The following ZNF566 variants were observed in gnomAD, a reference collection of about 807,000 sequenced individuals.
The protein encoded by ZNF566 is zinc finger protein 566.
Under a neutral mutation model 32.8 loss-of-function variants are expected in ZNF566, and 27 were observed. The ratio of observed to expected loss-of-function variants is 0.82; its 90% CI spans 0.61 to 1.14. The LOEUF (loss-of-function observed/expected upper bound fraction) is 1.14. ZNF566 is among the 50% of genes most tolerant of loss of function. ZNF566 has a pLI of 0.00. For synonymous variants in ZNF566, 154 were observed against 159.5 expected (o/e 0.97, Z 0.26); for missense variants, 402 against 490.4 (o/e 0.82, Z 1.70).
chr19:36,463,767 C>T (rs1342819703), intron 4 of ZNF566, among the ~76,000 whole-genome samples: 1 of 151,290 alleles, frequency 6.6e-6, no homozygotes, highest in East Asian at 1.9e-4. Flanking sequence ...ACTCCATCAC[C>T]CAGGCTGGAG....
chr19:36,470,694 T>C (rs1001168330), intron 4 of ZNF566, among the ~76,000 whole-genome samples: 2 of 151,674 alleles, frequency 1.3e-5, no homozygotes, highest in Non-Finnish European at 2.9e-5. Flanking sequence ...GAGGATCACC[T>C]GAGGTCAGGA....
intron 1 of ZNF566, among the ~76,000 whole-genome samples, chr19:36,488,224 T>C (rs4514798): frequency 0.18 from 27,895 of 152,000 alleles, 2,778 homozygotes; most frequent in Non-Finnish European, 0.23. Flanking sequence ...CTAGGACTTA[T>C]AGGTGCCAGC....
intron 4 of ZNF566, among the ~76,000 whole-genome samples, chr19:36,462,990 A>AAAC (rs2033514622): frequency 2.2e-5 from 3 of 137,034 alleles, no homozygotes; most frequent in Non-Finnish European, 3.1e-5. Context: ...AAAAAAAAAA[A>AAAC]TCCCATTTCC....
intron 4 of ZNF566, among the ~76,000 whole-genome samples, chr19:36,470,164 A>T (rs750482953): frequency 6.6e-6 from 1 of 152,126 alleles, no homozygotes; most frequent in Non-Finnish European, 1.5e-5. Context: ...ATCCAGTCAC[A>T]AGACTCTATA....
chr19:36,476,572 T>C lies in ZNF566; in HGVS notation c.-15A>G. On this transcript the variant is annotated 5_prime_UTR_variant, in exon 2 of 5. Transcript: ENST00000452939. ...ACCTGAGCCATGGCTCTGATATTTG[T>C]AGAAAAGGACCTTCTCTTGGCTCTT... is the stretch of plus-strand genomic sequence containing the variant. 4 of 1,613,612 alleles carry C rather than the reference T, an allele frequency of 2.5e-6. No homozygotes were observed. Among genetic ancestry groups the C allele is most frequent in the Non-Finnish European group, 3.4e-6 (4 of 1,179,802 alleles).
chr19:36,482,678 A>T (rs1025579569), intron 1 of ZNF566, among the ~76,000 whole-genome samples: 1 of 152,196 alleles, frequency 6.6e-6, no homozygotes, highest in African/African-American at 2.4e-5. Flanking sequence ...ACTCTGAACT[A>T]ATTTGCATGT....
In ZNF566 at chr19:36,481,866, T is replaced by C. The variant is rs1009924101; in HGVS notation, c.-59-5250A>G. Among the ~76,000 whole-genome samples the C allele has an allele frequency of 2.0e-5, 3 of 152,312 alleles. No individual in the cohort carries two copies. The South Asian group carries it at 6.2e-4, about 32-fold the overall frequency. ...ACTATGATAAATCCACAGGCTGCAGTATTATGTAACAATTAGAAAAGAATT... is the reference window on the plus strand; with the variant it reads ...ACTATGATAAATCCACAGGCTGCAGCATTATGTAACAATTAGAAAAGAATT... On this transcript the variant is annotated intron_variant, in intron 1 of 4. Coordinates refer to ENST00000452939, the MANE Select transcript of ZNF566 (RefSeq NM_001145344.1).
chr19:36,468,936 C>T (rs1052414096), intron 4 of ZNF566, among the ~76,000 whole-genome samples: 2 of 151,318 alleles, frequency 1.3e-5, no homozygotes, highest in South Asian at 2.1e-4. Flanking sequence ...TAAAAGCACC[C>T]TCTGGGAACC....
chr19:36,451,193 G>C (rs1006543975), intron 4 of ZNF566, among the ~76,000 whole-genome samples: 1 of 152,060 alleles, frequency 6.6e-6, no homozygotes, highest in African/African-American at 2.4e-5. Context: ...GGATAGCCCT[G>C]GTCTGGATTC....
intron 2 of ZNF566, among the ~76,000 whole-genome samples, chr19:36,473,979 T>C (rs1179335828): frequency 6.6e-6 from 1 of 152,182 alleles, no homozygotes; most frequent in Non-Finnish European, 1.5e-5. Context: ...AGAACGATTC[T>C]TCAATATTCT....
chr19:36,469,203 G>C (rs913743923), intron 4 of ZNF566, among the ~76,000 whole-genome samples: 1 of 151,806 alleles, frequency 6.6e-6, no homozygotes, highest in Non-Finnish European at 1.5e-5. Context: ...AATTACATGA[G>C]ATTATGCAAG....
At chr19:36,454,633 G>A (rs1240802074) in intron 4 of ZNF566, among the ~76,000 whole-genome samples, 1 of 151,874 alleles carries the variant, frequency 6.6e-6, no homozygotes, top group African/African-American at 2.4e-5. Flanking sequence ...GGATAAACTA[G>A]GAAAAAAATG....
intron 4 of ZNF566, among the ~76,000 whole-genome samples, chr19:36,458,496 G>A (rs890515889): frequency 3.3e-5 from 5 of 152,078 alleles, no homozygotes; most frequent in South Asian, 2.1e-4. Context: ...CCAGGGGTTG[G>A]GGGACGGAGG....
rs74723801 is a variant in ZNF566 at position 36,479,246 on chromosome 19, A to G, written c.-59-2630T>C. 1.1e-3 allele frequency among the ~76,000 whole-genome samples: 170 copies of G among 152,358 alleles called. 3 individuals are homozygous for G. The East Asian group carries it at 0.02, about 18-fold the overall frequency. On this transcript the variant is annotated intron_variant, in intron 1 of 4. Coordinates refer to ENST00000452939, the MANE Select transcript of ZNF566 (RefSeq NM_001145344.1). ...ATGTAATAAAGGGCTTGGCCAGTAT[A>G]ATAGGGCACGATGAAGAAATAAAAG...
At position 36,448,857 on chromosome 19, in the gene ZNF566, G is replaced by A; in HGVS notation, c.*120C>T. 1 of 840,410 alleles carries A rather than the reference G, an allele frequency of 1.2e-6. No homozygotes were observed. 52.1% of individuals were successfully genotyped at this position (840,410 alleles called of 1,614,324 possible). On this transcript the variant is annotated 3_prime_UTR_variant, in exon 5 of 5. Transcript: ENST00000452939. ...ACATTATTTTTCCCAGGCTGAATAA[G>A]CTGTAGTCCACAAATAAAATGTTTC...
intron 4 of ZNF566, among the ~76,000 whole-genome samples, chr19:36,472,238 C>T (rs895862781): frequency 1.3e-5 from 2 of 152,058 alleles, no homozygotes; most frequent in Non-Finnish European, 2.9e-5. Flanking sequence ...TATATAAAGT[C>T]AATGATGCTT....
At chr19:36,473,065 C>G in intron 3 of ZNF566, 59 bp from the exon 4 acceptor site, 1 of 1,447,070 alleles carries the variant, frequency 6.9e-7, no homozygotes, top group African/African-American at 1.4e-5. Context: ...GAATTCAAAT[C>G]CAGTCCCTTC....
chr19:36,478,213 T>C (rs1470707842), intron 1 of ZNF566, among the ~76,000 whole-genome samples: 2 of 152,168 alleles, frequency 1.3e-5, no homozygotes, highest in Non-Finnish European at 2.9e-5. Flanking sequence ...CTTTAAAACC[T>C]AAATGCACGC....
At chr19:36,453,358 G>A (rs1202199394) in intron 4 of ZNF566, among the ~76,000 whole-genome samples, 3 of 149,578 alleles carry the variant, frequency 2.0e-5, no homozygotes, top group African/African-American at 4.9e-5. Context: ...CTGTACTCCC[G>A]GCTACTCAGG....
Sources: gnomAD v4.1 joint callset for allele counts (sites outside exome capture counted in the v4.1 genomes callset) on GRCh38, gnomAD v4.1.1 for gene constraint, MANE v1.5 for transcripts, NCBI Gene and HGNC (gene_info 2026-07-23, HGNC 2026-07-21) for gene names.